SFXN5: variants seen among roughly 807,000 people sequenced by gnomAD.
SFXN5 encodes the protein sideroflexin 5.
SFXN5 carries 43 observed loss-of-function variants against 50.2 expected under a neutral mutation model. The observed-to-expected ratio is 0.86, with a 90% CI of 0.67 to 1.11. SFXN5 has a LOEUF of 1.11. SFXN5 is among the 50% of genes least tolerant of loss of function. The pLI, the probability that SFXN5 is intolerant of heterozygous loss-of-function variation, is 0.00. For synonymous variants in SFXN5, 203 were observed against 185.8 expected (o/e 1.09, Z -0.75); for missense variants, 463 against 454.1 (o/e 1.02, Z -0.18).
At position 72,998,976 on chromosome 2, in the gene SFXN5, T is replaced by A. The variant is rs777937571; in HGVS notation, c.507A>T (p.Gly169=). The A allele has an allele frequency of 3.1e-6, 5 of 1,614,006 alleles. No homozygotes were observed. Among genetic ancestry groups the A allele is most frequent in the Admixed American group, 3.3e-5 (2 of 59,996 alleles). ...PASKFIQGYL[G]AVISAVSIAV... is the part of the protein sequence containing the mutation. ...CAATGGAGACGGCGCTGATGACAGC[T>A]CCCAGGTATCCCTGGATGAACTTGG... The change falls in exon 9 of 14, where the codon GGA becomes GGT. Residue 169 remains glycine (G), a synonymous_variant. Coordinates refer to ENST00000272433, the MANE Select transcript of SFXN5 (RefSeq NM_144579.3).
intron 1 of SFXN5, among the ~76,000 whole-genome samples, chr2:73,066,818 T>C (rs1683211259): frequency 6.6e-6 from 1 of 150,432 alleles, no homozygotes; most frequent in Admixed American, 6.6e-5. Flanking sequence ...CTCAGCAAAA[T>C]AGCAAGACAC....
intron 2 of SFXN5, among the ~76,000 whole-genome samples, chr2:73,044,038 C>T (rs545122953): frequency 3.3e-5 from 5 of 152,270 alleles, no homozygotes; most frequent in South Asian, 2.1e-4. Context: ...CCTGCCCCTC[C>T]GGACCTGGAC....
At chr2:73,054,132 T>C (rs924964675) in intron 2 of SFXN5, among the ~76,000 whole-genome samples, 6 of 152,226 alleles carry the variant, frequency 3.9e-5, no homozygotes, top group South Asian at 2.1e-4. Context: ...CTTCCAGAGT[T>C]TGTGGAGCCT....
chr2:73,004,629 T>G (rs1674375751), intron 6 of SFXN5, among the ~76,000 whole-genome samples: 1 of 151,892 alleles, frequency 6.6e-6, no homozygotes. Context: ...AGAGGAGGTC[T>G]GGGAGACCAG....
In SFXN5 at chr2:73,051,257, C is replaced by T. The variant is rs61003143; in HGVS notation, c.171+7271G>A. Reference sequence around the variant, plus strand: ...CATGGCAATGAGACTTTTTCCAGCACTTTTTTTTTTTTTTTTTTTGAGACG... The same window carrying T: ...CATGGCAATGAGACTTTTTCCAGCATTTTTTTTTTTTTTTTTTTTGAGACG... On this transcript the variant is annotated intron_variant, in intron 2 of 13. Transcript: ENST00000272433. Among the ~76,000 whole-genome samples the T allele has an allele frequency of 4.7e-3, 539 of 114,768 alleles. 4 individuals are homozygous for T. The highest frequency in any genetic ancestry group is 0.018 in the Middle Eastern group (3 of 168). The allele number at this position is 114,768 out of a possible 152,430, so 75.3% of individuals were successfully genotyped here.
chr2:72,969,547 A>G (rs1009803638), intron 11 of SFXN5, among the ~76,000 whole-genome samples: 2 of 151,792 alleles, frequency 1.3e-5, no homozygotes, highest in African/African-American at 4.8e-5. Flanking sequence ...GGCATGCCCC[A>G]CCACACCCAG....
chr2:73,016,483 T>A (rs1676162950), intron 6 of SFXN5, among the ~76,000 whole-genome samples: 1 of 152,128 alleles, frequency 6.6e-6, no homozygotes, highest in East Asian at 1.9e-4. Flanking sequence ...GGCGAGTGGA[T>A]CACTTGAGGC....
At position 72,968,547 on chromosome 2, in the gene SFXN5, A is replaced by G; in HGVS notation, c.742-14T>C. 6.2e-7 allele frequency: 1 copy of G among 1,612,698 alleles called. No homozygotes were observed. On this transcript the variant is annotated splice_polypyrimidine_tract_variant and intron_variant, in intron 11 of 13. Transcript: ENST00000272433. ...CTCCAGCAGGGCCTGAGGGGCAGGC[A>G]GAAGCTGTGTGAGAGGGGCCTGACA...
intron 10 of SFXN5, among the ~76,000 whole-genome samples, chr2:72,980,394 C>T (rs1671146196): frequency 6.6e-6 from 1 of 152,194 alleles, no homozygotes; most frequent in Non-Finnish European, 1.5e-5. Flanking sequence ...CAGCAGAATA[C>T]AACCCCTCTG....
At chr2:72,947,528 G>C (rs1417462106) in intron 13 of SFXN5, among the ~76,000 whole-genome samples, 1 of 152,186 alleles carries the variant, frequency 6.6e-6, no homozygotes, top group Non-Finnish European at 1.5e-5. Flanking sequence ...CTAGACACCC[G>C]CCATATGTCA....
chr2:73,004,675 ACAC>A (rs1359492670), intron 6 of SFXN5, among the ~76,000 whole-genome samples: 2 of 151,892 alleles, frequency 1.3e-5, no homozygotes, highest in Non-Finnish European at 2.9e-5. Context: ...GAAGACAGGA[ACAC>A]CGAGCTGCAT....
At chr2:73,040,178 T>A (rs6759243) in intron 3 of SFXN5, among the ~76,000 whole-genome samples, 41,029 of 152,036 alleles carry the variant, frequency 0.27, 5,896 homozygotes, top group East Asian at 0.5. Context: ...AATGTTTAAA[T>A]TAATGTTTGA....
intron 11 of SFXN5, 151 bp downstream of exon 11, chr2:72,971,419 A>C (rs1362165440): frequency 1.8e-6 from 1 of 570,834 alleles, no homozygotes; most frequent in East Asian, 3.0e-5. Flanking sequence ...AGACTCATGC[A>C]GATTGGAGGT....
In SFXN5 at chr2:73,070,148, T is replaced by TG. The variant is rs1359997090; in HGVS notation, c.102+1455dup. Reference sequence around the variant, plus strand: ...ACTGAGCCTTTAAGAACGAGCAGAATGGGGGTGGGAGCGGGGACAGGCAAT... The same window carrying TG: ...ACTGAGCCTTTAAGAACGAGCAGAATGGGGGGTGGGAGCGGGGACAGGCAAT... On this transcript the variant is annotated intron_variant, in intron 1 of 13. Transcript: ENST00000272433. 7.2e-5 allele frequency among the ~76,000 whole-genome samples: 11 copies of TG among 152,082 alleles called. No homozygotes were observed. In the East Asian group the frequency reaches 2.1e-3, roughly 29 times the overall value.
At chr2:73,000,979 G>T (rs1673827886) in intron 7 of SFXN5, among the ~76,000 whole-genome samples, 1 of 152,204 alleles carries the variant, frequency 6.6e-6, no homozygotes, top group African/African-American at 2.4e-5. Context: ...TTTTCTCCTA[G>T]AAGACAGACA....
chr2:73,000,396 A>C, intron 8 of SFXN5, 35 bp downstream of exon 8: 1 of 1,550,194 alleles, frequency 6.5e-7, no homozygotes, highest in South Asian at 1.2e-5. Flanking sequence ...CCCTAGCCTG[A>C]ACCCCACCAC....
intron 2 of SFXN5, among the ~76,000 whole-genome samples, chr2:73,055,839 A>C (rs1682038007): frequency 6.6e-6 from 1 of 152,032 alleles, no homozygotes; most frequent in African/African-American, 2.4e-5. Context: ...GGATGGTCTC[A>C]ATCTCCTGAC....
intron 1 of SFXN5, chr2:73,071,367 C>A (rs1378046405): frequency 7.8e-6 from 4 of 515,004 alleles, no homozygotes; most frequent in Non-Finnish European, 1.4e-5. Flanking sequence ...CTAGAGGGCG[C>A]GGGCAGTCGG....
At chr2:73,043,672 A>G (rs1276614708) in intron 2 of SFXN5, among the ~76,000 whole-genome samples, 2 of 152,204 alleles carry the variant, frequency 1.3e-5, no homozygotes, top group Non-Finnish European at 2.9e-5. Flanking sequence ...GTTCATTTCC[A>G]AAGTGGAGAT....
Sources: allele counts gnomAD v4.1 joint callset (sites outside exome capture counted in the v4.1 genomes callset), GRCh38; gene constraint gnomAD v4.1.1; transcripts MANE v1.5; gene names NCBI Gene and HGNC (gene_info 2026-07-23, HGNC 2026-07-21).